The following ZHX2 variants were observed in gnomAD, a reference collection of about 807,000 sequenced individuals.
The protein encoded by ZHX2 is zinc fingers and homeoboxes 2.
Under a neutral mutation model 21.9 loss-of-function variants are expected in ZHX2, and 6 were observed. That is an observed-to-expected ratio of 0.27 (90% CI 0.15 to 0.54). The LOEUF (loss-of-function observed/expected upper bound fraction) is 0.54, where lower values mean the gene tolerates loss of function less well. Ranked by LOEUF, ZHX2 falls within the 20% of genes least tolerant of loss-of-function variation. The pLI is 0.95. For missense variants in ZHX2, 908 were observed against 1,090.7 expected (o/e 0.83, Z 2.36); for synonymous variants, 434 against 437.1 (o/e 0.99, Z 0.09).
intron 1 of ZHX2, among the ~76,000 whole-genome samples, chr8:122,784,638 C>T (rs554046073): frequency 6.6e-6 from 1 of 152,328 alleles, no homozygotes; most frequent in Admixed American, 6.5e-5. Flanking sequence ...TTTATTCATT[C>T]AGCAACTATA....
chr8:122,880,308 G>C (rs954400517), intron 2 of ZHX2, among the ~76,000 whole-genome samples: 13 of 152,030 alleles, frequency 8.6e-5, no homozygotes, highest in African/African-American at 3.1e-4. Context: ...ACCTGAGGCT[G>C]GTGACACGGA....
chr8:122,955,969 C>G (rs781109350), intron 3 of ZHX2, among the ~76,000 whole-genome samples: 2 of 151,768 alleles, frequency 1.3e-5, no homozygotes, highest in Non-Finnish European at 2.9e-5. Flanking sequence ...ATCAGCCTCC[C>G]GAGTAGCTGG....
At chr8:122,836,510 C>T (rs897408180) in intron 1 of ZHX2, among the ~76,000 whole-genome samples, 4 of 152,210 alleles carry the variant, frequency 2.6e-5, no homozygotes, top group Non-Finnish European at 5.9e-5. Context: ...AACCAACAGA[C>T]AACACGAGGC....
intron 2 of ZHX2, among the ~76,000 whole-genome samples, chr8:122,931,630 G>A (rs149861950): frequency 3.3e-5 from 5 of 152,194 alleles, no homozygotes; most frequent in Non-Finnish European, 4.4e-5. Flanking sequence ...GTCATTACGC[G>A]CTGCAGCATC....
chr8:122,813,794 A>G (rs761843441), intron 1 of ZHX2, among the ~76,000 whole-genome samples: 1 of 152,224 alleles, frequency 6.6e-6, no homozygotes, highest in Non-Finnish European at 1.5e-5. Context: ...TTGGATTTTA[A>G]AGCATTTTGA....
intron 2 of ZHX2, among the ~76,000 whole-genome samples, chr8:122,923,671 T>G (rs1370234155): frequency 6.6e-6 from 1 of 152,080 alleles, no homozygotes; most frequent in Admixed American, 6.5e-5. Context: ...GGAAGGAAAA[T>G]CTGAGAAGCC....
intron 2 of ZHX2, among the ~76,000 whole-genome samples, chr8:122,895,798 C>T (rs952839693): frequency 1.3e-5 from 2 of 151,888 alleles, no homozygotes; most frequent in African/African-American, 4.8e-5. Context: ...GCATATTCTG[C>T]TATTGAACCA....
At chr8:122,860,485 A>G (rs1359487649) in intron 1 of ZHX2, among the ~76,000 whole-genome samples, 1 of 152,382 alleles carries the variant, frequency 6.6e-6, no homozygotes, top group Non-Finnish European at 1.5e-5. Flanking sequence ...ACAATTCACA[A>G]TTCATGCAAC....
intron 1 of ZHX2, among the ~76,000 whole-genome samples, chr8:122,850,208 C>T (rs1005585830): frequency 1.3e-5 from 2 of 152,160 alleles, no homozygotes; most frequent in African/African-American, 4.8e-5. Context: ...GCAAGAGCCC[C>T]GTGTCGCACC....
chr8:122,847,418 C>A (rs1818777621), intron 1 of ZHX2, among the ~76,000 whole-genome samples: 1 of 152,212 alleles, frequency 6.6e-6, no homozygotes, highest in African/African-American at 2.4e-5. Flanking sequence ...CCTTCTCCAA[C>A]AGGTTTCTCC....
chr8:122,874,683 A>C lies in ZHX2; in HGVS notation c.-220+11144A>C, dbSNP rs112739999. 8.8e-4 allele frequency among the ~76,000 whole-genome samples: 134 copies of C among 152,294 alleles called. 2 individuals are homozygous for C. Among genetic ancestry groups the C allele is most frequent in the African/African-American group, 3.1e-3 (129 of 41,562 alleles). ...GTACAGTAAACATCCCCATTTTACC[A>C]CTGAGAAAACAGAGGCACCTAAAAG... On this transcript the variant is annotated intron_variant, in intron 2 of 3. Transcript: ENST00000314393.
chr8:122,959,019 G>A (rs2130328378), intron 3 of ZHX2, among the ~76,000 whole-genome samples: 1 of 152,254 alleles, frequency 6.6e-6, no homozygotes, highest in Admixed American at 6.5e-5. Context: ...CCAACATGTT[G>A]TCTGATTCAG....
At chr8:122,833,491 C>G (rs1031904129) in intron 1 of ZHX2, among the ~76,000 whole-genome samples, 2 of 152,032 alleles carry the variant, frequency 1.3e-5, no homozygotes, top group Admixed American at 1.3e-4. Flanking sequence ...GTGGAAGTAT[C>G]CTAAACTGCG....
intron 2 of ZHX2, among the ~76,000 whole-genome samples, chr8:122,908,572 G>A (rs1050936470): frequency 1.3e-5 from 2 of 152,044 alleles, no homozygotes; most frequent in African/African-American, 4.8e-5. Flanking sequence ...AACCTCATCC[G>A]AGCCTATAGT....
At chr8:122,928,971 G>A (rs1820919237) in intron 2 of ZHX2, among the ~76,000 whole-genome samples, 1 of 152,010 alleles carries the variant, frequency 6.6e-6, no homozygotes, top group Non-Finnish European at 1.5e-5. Flanking sequence ...TTATCTTATT[G>A]GTTAACATTA....
intron 2 of ZHX2, among the ~76,000 whole-genome samples, chr8:122,906,759 C>A (rs1429933977): frequency 1.3e-5 from 2 of 150,748 alleles, no homozygotes; most frequent in Non-Finnish European, 2.9e-5. Context: ...CAACTTCCTC[C>A]TCCAGGGTTT....
chr8:122,956,321 C>T (rs2130312839), intron 3 of ZHX2, among the ~76,000 whole-genome samples: 1 of 152,312 alleles, frequency 6.6e-6, no homozygotes, highest in African/African-American at 2.4e-5. Flanking sequence ...GAGAGACAGA[C>T]AACACAGTAC....
chr8:122,962,211 C>T (rs1185361296), intron 3 of ZHX2, among the ~76,000 whole-genome samples: 1 of 152,158 alleles, frequency 6.6e-6, no homozygotes, highest in African/African-American at 2.4e-5. Context: ...TCTGAGCTTT[C>T]GGTGCACCTA....
chr8:122,834,432 G>A (rs917406281), intron 1 of ZHX2, among the ~76,000 whole-genome samples: 8 of 152,238 alleles, frequency 5.3e-5, no homozygotes, highest in African/African-American at 1.9e-4. Flanking sequence ...CTGGACCTGT[G>A]ACCTTCATTG....
Sources: allele counts gnomAD v4.1 joint callset (sites outside exome capture counted in the v4.1 genomes callset), GRCh38; gene constraint gnomAD v4.1.1; transcripts MANE v1.5; gene names NCBI Gene and HGNC (gene_info 2026-07-23, HGNC 2026-07-21).